Variants in PLPP3 observed in about 807,000 individuals in gnomAD.
PLPP3 encodes the protein phospholipid phosphatase 3.
A neutral mutation model predicts 29.6 loss-of-function variants in PLPP3; 6 were observed. The ratio of observed to expected loss-of-function variants is 0.20; its 90% CI spans 0.11 to 0.40. The LOEUF (loss-of-function observed/expected upper bound fraction) is 0.40. Among genes scored for constraint, PLPP3 ranks in the 10% least tolerant of loss-of-function variants. PLPP3 has a pLI of 1.00. For missense variants in PLPP3, 308 were observed against 407.7 expected (o/e 0.76, Z 2.11); for synonymous variants, 152 against 159.7 (o/e 0.95, Z 0.36).
intron 1 of PLPP3, among the ~76,000 whole-genome samples, chr1:56,555,450 A>AAC (rs1557512809): frequency 1.5e-5 from 2 of 135,868 alleles, no homozygotes; most frequent in Non-Finnish European, 3.2e-5. Context: ...AAAAAAAAAA[A>AAC]AAAAAAAAAA....
At chr1:56,512,677 T>G (rs972166210) in intron 4 of PLPP3, 1 of 152,144 alleles carries the variant, frequency 6.6e-6, no homozygotes, top group African/African-American at 2.4e-5. Context: ...GTTCTCACAC[T>G]AAAAAATAGG....
rs543657927 is a variant in PLPP3 at position 56,535,475 on chromosome 1, T to C, written c.297+1480A>G. Among the ~76,000 whole-genome samples, 5 of 152,334 alleles carry C rather than the reference T, an allele frequency of 3.3e-5. No homozygotes were observed. In the South Asian group the frequency reaches 1.0e-3, roughly 32 times the overall value. On this transcript the variant is annotated intron_variant, in intron 2 of 5. Coordinates refer to ENST00000371250, the MANE Select transcript of PLPP3 (RefSeq NM_003713.5). ...ATTGTATGGGTTGGGGAAGCAATGC[T>C]GTTGCTCATTGTATAATGAGGCCAC...
chr1:56,532,048 C>T (rs922051647), intron 2 of PLPP3, among the ~76,000 whole-genome samples: 5 of 152,182 alleles, frequency 3.3e-5, no homozygotes, highest in Admixed American at 6.5e-5. Context: ...TCCCTAAGAG[C>T]TGTACCTAAC....
intron 1 of PLPP3, among the ~76,000 whole-genome samples, chr1:56,540,308 G>A (rs1337032455): frequency 6.6e-6 from 1 of 152,128 alleles, no homozygotes; most frequent in Non-Finnish European, 1.5e-5. Context: ...CTGCCCTCAA[G>A]AAGCTTACAA....
At chr1:56,540,529 T>C (rs954541377) in intron 1 of PLPP3, among the ~76,000 whole-genome samples, 1 of 152,184 alleles carries the variant, frequency 6.6e-6, no homozygotes, top group African/African-American at 2.4e-5. Context: ...CCAAATCCTT[T>C]TTCCTCTTTC....
At chr1:56,549,709 G>T (rs1236169413) in intron 1 of PLPP3, among the ~76,000 whole-genome samples, 1 of 152,170 alleles carries the variant, frequency 6.6e-6, no homozygotes, top group Admixed American at 6.6e-5. Flanking sequence ...AGGCAGACTG[G>T]CTGAGTAGAG....
chr1:56,567,649 G>C (rs946591488), intron 1 of PLPP3, among the ~76,000 whole-genome samples: 24 of 151,920 alleles, frequency 1.6e-4, no homozygotes, highest in Admixed American at 1.4e-3. Context: ...CACCCGCCTC[G>C]GCCTCCCAAA....
intron 4 of PLPP3, chr1:56,513,169 A>G (rs1645756090): frequency 6.6e-6 from 1 of 152,546 alleles, no homozygotes; most frequent in Admixed American, 6.5e-5. Flanking sequence ...GTGGAGTAGA[A>G]GAGTAACCTG....
chr1:56,567,053 G>A (rs1046154587), intron 1 of PLPP3, among the ~76,000 whole-genome samples: 2 of 152,162 alleles, frequency 1.3e-5, no homozygotes, highest in Non-Finnish European at 2.9e-5. Flanking sequence ...CTATTTGCAT[G>A]TTTAACTGTT....
intron 5 of PLPP3, among the ~76,000 whole-genome samples, chr1:56,510,660 C>T (rs1645735496): frequency 1.3e-5 from 2 of 152,326 alleles, no homozygotes; most frequent in South Asian, 4.1e-4. Flanking sequence ...GAGGGCTGAG[C>T]CTTATTCATT....
intron 1 of PLPP3, among the ~76,000 whole-genome samples, chr1:56,551,332 T>G (rs1244402612): frequency 3.3e-5 from 5 of 152,072 alleles, no homozygotes; most frequent in Non-Finnish European, 5.9e-5. Context: ...TTTGGTGGTG[T>G]GCAATTAGCA....
At chr1:56,511,507 C>T (rs553119206) in intron 5 of PLPP3, among the ~76,000 whole-genome samples, 3 of 152,048 alleles carry the variant, frequency 2.0e-5, no homozygotes, top group Non-Finnish European at 2.9e-5. Context: ...TTCCAAGAAG[C>T]GGAGAAGTCC....
chr1:56,536,065 A>G (rs186304670), intron 2 of PLPP3, among the ~76,000 whole-genome samples: 105 of 152,246 alleles, frequency 6.9e-4, no homozygotes, highest in Admixed American at 1.4e-3. Context: ...TGCCACAGAG[A>G]GTGACGAGCA....
chr1:56,541,371 C>T (rs191009350), intron 1 of PLPP3, among the ~76,000 whole-genome samples: 1 of 152,238 alleles, frequency 6.6e-6, no homozygotes, highest in Non-Finnish European at 1.5e-5. Flanking sequence ...GAAAATAGCA[C>T]AAAGCATAAA....
intron 4 of PLPP3, chr1:56,516,841 C>T (rs1645784492): frequency 6.6e-6 from 1 of 151,980 alleles, no homozygotes; most frequent in African/African-American, 2.4e-5. Flanking sequence ...ATGTCTGTTT[C>T]CCATACCCCA....
chr1:56,523,923 C>A (rs1645835523), intron 3 of PLPP3, 43 bp from the exon 4 acceptor site: 1 of 1,584,544 alleles, frequency 6.3e-7, no homozygotes. Flanking sequence ...GTATTCACAT[C>A]CCTGATACAC....
chr1:56,506,178 T>G (rs940239354), intron 5 of PLPP3, among the ~76,000 whole-genome samples: 1 of 152,214 alleles, frequency 6.6e-6, no homozygotes, highest in Non-Finnish European at 1.5e-5. Flanking sequence ...GGAAGAGGCC[T>G]TGCAAATCCA....
intron 1 of PLPP3, among the ~76,000 whole-genome samples, chr1:56,564,599 TC>T (rs1646149841): frequency 6.6e-6 from 1 of 152,208 alleles, no homozygotes; most frequent in East Asian, 1.9e-4. Flanking sequence ...GTCCCTCAAC[TC>T]CATTAATAGC....
Position 56,524,125 on chromosome 1 carries a change from A to G in PLPP3, c.575+152T>C, listed in dbSNP as rs1358693424. On this transcript the variant is annotated intron_variant, in intron 3 of 5. Transcript: ENST00000371250. The surrounding 1 kb of genome is among the most constrained non-coding windows in gnomAD (Gnocchi z 4.3). ...TGCTATATCGGAAGTATTGATTTAC[A>G]TATCTGTCTCAATCATCTGACTGTG... 2 of 960,790 alleles carry G rather than the reference A, an allele frequency of 2.1e-6. No individual in the cohort carries two copies. The highest frequency in any genetic ancestry group is 3.1e-6 in the Non-Finnish European group (2 of 642,768). 59.5% of individuals were successfully genotyped at this position (960,790 alleles called of 1,614,324 possible). A position where few individuals can be genotyped will look rare whatever the true frequency, so the allele number is the denominator to read the frequency against.
Sources: allele counts gnomAD v4.1 joint callset (sites outside exome capture counted in the v4.1 genomes callset), GRCh38; gene constraint gnomAD v4.1.1; non-coding constraint Gnocchi (gnomAD v3.1); transcripts MANE v1.5; gene names NCBI Gene and HGNC (gene_info 2026-07-23, HGNC 2026-07-21).